The following UBXN8 variants were observed in gnomAD, a reference collection of about 807,000 sequenced individuals.
UBXN8 encodes the protein UBX domain protein 8.
UBXN8 carries 27 observed loss-of-function variants against 32.1 expected under a neutral mutation model. That is an observed-to-expected ratio of 0.84 (90% CI 0.62 to 1.16). UBXN8 has a LOEUF of 1.16. Among genes scored for constraint, UBXN8 ranks in the 50% most tolerant of loss-of-function variants. The probability of loss-of-function intolerance (pLI) is 0.00; values close to 1 mark genes in which losing one functional copy is unlikely to be tolerated. For synonymous variants in UBXN8, 109 were observed against 111.8 expected (o/e 0.98, Z 0.16); for missense variants, 306 against 311.4 (o/e 0.98, Z 0.13).
upstream of UBXN8, among the ~76,000 whole-genome samples, chr8:30,743,150 C>CCAAGTACGAAATG: frequency 9.5e-6 from 1 of 105,086 alleles, no homozygotes; most frequent in Non-Finnish European, 1.8e-5. Context: ...AATATAATTT[C>CCAAGTACGAAATG]TTTCTTTCTT....
intron 6 of UBXN8, among the ~76,000 whole-genome samples, chr8:30,762,373 A>T (rs558450730): frequency 1.4e-5 from 2 of 141,002 alleles, no homozygotes; most frequent in South Asian, 4.8e-4. Flanking sequence ...ACTGTGCCTG[A>T]TGGGAAAGTT....
intron 5 of UBXN8, among the ~76,000 whole-genome samples, chr8:30,758,074 T>A: frequency 6.6e-6 from 1 of 151,884 alleles, no homozygotes; most frequent in East Asian, 2.0e-4. Flanking sequence ...TTTTTTGTAT[T>A]TTTAGTAGAG....
intron 3 of UBXN8, 128 bp from the exon 4 acceptor site, chr8:30,754,537 C>A: frequency 1.5e-6 from 2 of 1,290,934 alleles, no homozygotes; most frequent in Non-Finnish European, 2.1e-6. Flanking sequence ...AGCAGCCAAA[C>A]AGGGTGGCAG....
rs530258222 is a variant in UBXN8 at position 30,737,797 on chromosome 8, G to A, written c.622+4489G>A. On this transcript the variant is annotated intron_variant, in intron 1 of 1. Transcript: ENST00000522968. ...TGGGAGGTGGAGGCTGCAGTGAGCC[G>A]TGATTGTACAACCACACTGCAGCCT... Among the ~76,000 whole-genome samples the A allele has an allele frequency of 3.9e-5, 6 of 152,240 alleles. No homozygotes were observed. The East Asian group carries it at 5.8e-4, about 15-fold the overall frequency.
upstream of UBXN8, among the ~76,000 whole-genome samples, chr8:30,729,877 G>A (rs1804909537): frequency 2.6e-5 from 4 of 152,268 alleles, no homozygotes; most frequent in South Asian, 8.3e-4. Flanking sequence ...ATAGACACTT[G>A]GTTACCACAG....
At chr8:30,739,403 G>C (rs2956021), upstream of UBXN8, among the ~76,000 whole-genome samples, 94,776 of 149,916 alleles carry the variant, frequency 0.63, 35,248 homozygotes, top group Non-Finnish European at 0.81. Context: ...AATTAGCCGG[G>C]CGTGGTGGCG....
At chr8:30,762,270 G>C (rs1210245357) in intron 6 of UBXN8, among the ~76,000 whole-genome samples, 1 of 152,060 alleles carries the variant, frequency 6.6e-6, no homozygotes, top group Admixed American at 6.6e-5. Flanking sequence ...TAAAGATTGG[G>C]TCTCAGTGTT....
chr8:30,757,552 C>G (rs1805696139), intron 5 of UBXN8, among the ~76,000 whole-genome samples: 1 of 148,756 alleles, frequency 6.7e-6, no homozygotes, highest in Non-Finnish European at 1.5e-5. Context: ...AACTCCATCT[C>G]AAAAACAAAA....
intron 2 of UBXN8, 90 bp downstream of exon 2, chr8:30,751,608 T>A: frequency 9.4e-7 from 1 of 1,068,542 alleles, no homozygotes; most frequent in South Asian, 2.0e-5. Context: ...ATTTTACTAT[T>A]AATTTGTGAT....
At chr8:30,737,303 A>G (rs2128751919) in intron 1 of UBXN8, among the ~76,000 whole-genome samples, 1 of 152,006 alleles carries the variant, frequency 6.6e-6, no homozygotes, top group Admixed American at 6.6e-5. Flanking sequence ...TTACTCGGGG[A>G]AGCTGTTCTT....
chr8:30,759,349 C>A (rs1586103905), intron 5 of UBXN8, among the ~76,000 whole-genome samples: 1 of 152,084 alleles, frequency 6.6e-6, no homozygotes, highest in East Asian at 2.0e-4. Flanking sequence ...GATTCTCATG[C>A]CTCAACCTCC....
chr8:30,753,250 C>T, intron 3 of UBXN8, 145 bp downstream of exon 3: 2 of 1,228,748 alleles, frequency 1.6e-6, no homozygotes, highest in Non-Finnish European at 2.1e-6. Context: ...ATAAATTGAC[C>T]ATTTTATTTT....
At chr8:30,763,132 C>T (rs1296703138) in intron 6 of UBXN8, 141 bp from the exon 7 acceptor site, 2 of 796,814 alleles carry the variant, frequency 2.5e-6, no homozygotes, top group South Asian at 1.7e-5. Context: ...AGGCGTGAGC[C>T]ACCACCATGC....
chr8:30,749,620 T>G (rs1213422772), intron 1 of UBXN8, among the ~76,000 whole-genome samples: 1 of 150,588 alleles, frequency 6.6e-6, no homozygotes, highest in African/African-American at 2.4e-5. Context: ...TTTTTTTTTT[T>G]TTTGAGACAG....
intron 3 of UBXN8, among the ~76,000 whole-genome samples, chr8:30,753,587 G>C (rs1805569902): frequency 6.6e-6 from 1 of 151,990 alleles, no homozygotes; most frequent in African/African-American, 2.4e-5. Flanking sequence ...GTGACATTTA[G>C]TACATTCACA....
intron 1 of UBXN8, among the ~76,000 whole-genome samples, chr8:30,739,128 G>A (rs1805134808): frequency 6.6e-6 from 1 of 150,774 alleles, no homozygotes; most frequent in Admixed American, 6.7e-5. Flanking sequence ...ATGGTGGTGA[G>A]GGTAGAAAGT....
chr8:30,734,941 T>C (rs1013071013), intron 1 of UBXN8, among the ~76,000 whole-genome samples: 1 of 152,008 alleles, frequency 6.6e-6, no homozygotes, highest in Non-Finnish European at 1.5e-5. Context: ...AGACCGTGTC[T>C]CAAAAAAAAC....
upstream of UBXN8, among the ~76,000 whole-genome samples, chr8:30,730,020 G>A (rs537188386): frequency 1.2e-4 from 18 of 152,300 alleles, no homozygotes; most frequent in East Asian, 2.7e-3. Context: ...TCCATTGCAG[G>A]AGATGGCAAA....
At chr8:30,729,992 C>T (rs935927222), upstream of UBXN8, among the ~76,000 whole-genome samples, 9 of 152,162 alleles carry the variant, frequency 5.9e-5, no homozygotes, top group East Asian at 1.9e-4. Flanking sequence ...AAGTTCTGTT[C>T]GACCCAACAT....
Sources: gnomAD v4.1 joint callset for allele counts (sites outside exome capture counted in the v4.1 genomes callset) on GRCh38, gnomAD v4.1.1 for gene constraint, MANE v1.5 for transcripts, NCBI Gene and HGNC (gene_info 2026-07-23, HGNC 2026-07-21) for gene names.